The following GPC5 variants were observed in gnomAD, a reference collection of about 807,000 sequenced individuals.
GPC5 encodes the protein glypican-5.
In GPC5, 47 loss-of-function variants were observed where a neutral mutation model predicts 53.9. That is an observed-to-expected ratio of 0.87 (90% CI 0.69 to 1.11). GPC5 has a LOEUF of 1.11. GPC5 is among the 50% of genes most tolerant of loss of function. GPC5 has a pLI of 0.00. For missense variants in GPC5, 748 were observed against 713.1 expected, an observed-to-expected ratio of 1.05 and a Z score of -0.56; for synonymous variants, 286 against 263.3, an observed-to-expected ratio of 1.09 and a Z score of -0.84.
intron 7 of GPC5, among the ~76,000 whole-genome samples, chr13:92,471,919 T>C (rs114979414): frequency 0.01 from 1,537 of 152,256 alleles, 28 homozygotes; most frequent in African/African-American, 0.035. Context: ...GGTTCTGTTT[T>C]TATAGAAAGT....
intron 2 of GPC5, among the ~76,000 whole-genome samples, chr13:91,499,082 G>A (rs1884476289): frequency 6.6e-6 from 1 of 152,156 alleles, no homozygotes; most frequent in African/African-American, 2.4e-5. Context: ...AGGATGAGTT[G>A]GATGAGTTTT....
intron 7 of GPC5, among the ~76,000 whole-genome samples, chr13:92,559,793 G>A (rs892615572): frequency 6.6e-6 from 1 of 151,206 alleles, no homozygotes; most frequent in Non-Finnish European, 1.5e-5. Context: ...GTCCCATTTG[G>A]TATCTCATGT....
intron 7 of GPC5, among the ~76,000 whole-genome samples, chr13:92,292,943 T>C (rs1380837922): frequency 6.6e-6 from 1 of 152,172 alleles, no homozygotes; most frequent in East Asian, 1.9e-4. Flanking sequence ...CACTTTATAT[T>C]TTTCTTTTCT....
At chr13:92,479,636 G>A (rs1195576039) in intron 7 of GPC5, among the ~76,000 whole-genome samples, 1 of 152,078 alleles carries the variant, frequency 6.6e-6, no homozygotes, top group African/African-American at 2.4e-5. Context: ...CTTTCCATGA[G>A]TGTAACAGAA....
chr13:91,932,235 T>A (rs1363433473), intron 6 of GPC5, among the ~76,000 whole-genome samples: 2 of 152,036 alleles, frequency 1.3e-5, no homozygotes, highest in African/African-American at 4.8e-5. Flanking sequence ...TTTTTGACAT[T>A]TGGGTCTCTC....
chr13:92,592,407 C>T (rs868490996), intron 7 of GPC5, among the ~76,000 whole-genome samples: 4 of 151,246 alleles, frequency 2.6e-5, no homozygotes, highest in African/African-American at 4.9e-5. Context: ...TCCTGCTTTC[C>T]TCTCTTCCAT....
intron 2 of GPC5, among the ~76,000 whole-genome samples, chr13:91,632,297 T>C (rs2034177569): frequency 6.6e-6 from 1 of 152,110 alleles, no homozygotes; most frequent in Admixed American, 6.6e-5. Context: ...ATTGCCTGTG[T>C]CCTTAGGGAA....
chr13:91,767,586 A>G (rs1248505961), intron 5 of GPC5, among the ~76,000 whole-genome samples: 2 of 152,154 alleles, frequency 1.3e-5, no homozygotes, highest in Non-Finnish European at 2.9e-5. Flanking sequence ...ATCTCCCTTT[A>G]TCCACTGAGT....
chr13:91,647,403 C>T lies in GPC5; in HGVS notation c.326-45784C>T, dbSNP rs576548163. Reference sequence around the variant, plus strand: ...CTCTGAATGTTTTATTTAATAGAACCTTTTAGATTTACATTCTATGTGTAG... The same window carrying T: ...CTCTGAATGTTTTATTTAATAGAACTTTTTAGATTTACATTCTATGTGTAG... On this transcript the variant is annotated intron_variant, in intron 2 of 7. Coordinates refer to ENST00000377067, the MANE Select transcript of GPC5 (RefSeq NM_004466.6). Among the ~76,000 whole-genome samples the T allele has an allele frequency of 1.2e-3, 187 of 152,222 alleles. 1 individual carries two copies. The highest frequency in any genetic ancestry group is 2.3e-3 in the South Asian group (11 of 4,830).
intron 2 of GPC5, among the ~76,000 whole-genome samples, chr13:91,558,841 G>A (rs536600331): frequency 8.5e-5 from 13 of 152,178 alleles, no homozygotes; most frequent in South Asian, 2.1e-4. Context: ...TCAGTCATGA[G>A]GGGGTTGGAC....
At chr13:92,344,311 G>C (rs557451354) in intron 7 of GPC5, among the ~76,000 whole-genome samples, 1 of 152,120 alleles carries the variant, frequency 6.6e-6, no homozygotes, top group African/African-American at 2.4e-5. Context: ...GAACGACATG[G>C]GAGTAACCAC....
chr13:92,692,750 G>A lies in GPC5; in HGVS notation c.1562-173532G>A, dbSNP rs940298793. On this transcript the variant is annotated intron_variant, in intron 7 of 7. Coordinates refer to ENST00000377067, the MANE Select transcript of GPC5 (RefSeq NM_004466.6). ...TTTCCTCCAAAGCCTCACCAATATCGGCTATTTTTTTTTTTTTTTTTTTTT... is the reference window on the plus strand; with the variant it reads ...TTTCCTCCAAAGCCTCACCAATATCAGCTATTTTTTTTTTTTTTTTTTTTT... Among the ~76,000 whole-genome samples the A allele has an allele frequency of 5.1e-4, 37 of 72,130 alleles. No individual in the cohort carries two copies. In the East Asian group the frequency reaches 0.025, roughly 48 times the overall value. 47.3% of individuals were successfully genotyped at this position (72,130 alleles called of 152,430 possible).
At chr13:92,094,713 G>A (rs1324827737) in intron 6 of GPC5, among the ~76,000 whole-genome samples, 2 of 151,560 alleles carry the variant, frequency 1.3e-5, no homozygotes, top group East Asian at 1.9e-4. Flanking sequence ...ATTATAAACA[G>A]TGATCTCAGA....
intron 7 of GPC5, among the ~76,000 whole-genome samples, chr13:92,701,172 C>T (rs1887726589): frequency 6.6e-6 from 1 of 152,056 alleles, no homozygotes. Context: ...CACATGACAA[C>T]ATCTTAAATA....
chr13:91,639,456 C>A (rs950681401), intron 2 of GPC5, among the ~76,000 whole-genome samples: 1 of 152,118 alleles, frequency 6.6e-6, no homozygotes, highest in African/African-American at 2.4e-5. Context: ...ATGTGACTAC[C>A]CCCATGGTAA....
intron 7 of GPC5, among the ~76,000 whole-genome samples, chr13:92,389,283 T>C (rs1874886927): frequency 6.6e-6 from 1 of 152,150 alleles, no homozygotes; most frequent in Admixed American, 6.6e-5. Context: ...TAAAGTGATA[T>C]ACATAAGATC....
rs115021012 is a variant in GPC5 at position 91,467,608 on chromosome 13, A to G, written c.325+18686A>G. ...ATGTTGATGCTGTTTTTCCAAGAAC[A>G]TTAGTTCAGATTTAGTTATCCTTTA... On this transcript the variant is annotated intron_variant, in intron 2 of 7. Coordinates refer to ENST00000377067, the MANE Select transcript of GPC5 (RefSeq NM_004466.6). Among the ~76,000 whole-genome samples the G allele has an allele frequency of 4.7e-3, 718 of 152,182 alleles. 3 individuals carry two copies. The highest frequency in any genetic ancestry group is 0.017 in the African/African-American group (689 of 41,546).
chr13:92,477,033 T>G (rs896540625), intron 7 of GPC5, among the ~76,000 whole-genome samples: 2 of 140,860 alleles, frequency 1.4e-5, no homozygotes, highest in Non-Finnish European at 3.1e-5. Context: ...ACCCTAAAAC[T>G]TAAAGTATAA....
intron 6 of GPC5, among the ~76,000 whole-genome samples, chr13:92,001,070 G>C (rs1489816046): frequency 6.6e-6 from 1 of 152,192 alleles, no homozygotes; most frequent in Non-Finnish European, 1.5e-5. Context: ...GGATACCAAA[G>C]TGTCACTTCC....
Sources: allele counts gnomAD v4.1 joint callset (sites outside exome capture counted in the v4.1 genomes callset), GRCh38; gene constraint gnomAD v4.1.1; transcripts MANE v1.5; gene names NCBI Gene and HGNC (gene_info 2026-07-23, HGNC 2026-07-21).